The following IQSEC1 variants were observed in gnomAD, a reference collection of about 807,000 sequenced individuals.
IQSEC1 encodes the protein IQ motif and SEC7 domain-containing protein 1.
IQSEC1 carries 31 observed loss-of-function variants against 91.0 expected under a neutral mutation model. That is an observed-to-expected ratio of 0.34 (90% CI 0.26 to 0.46). IQSEC1 has a LOEUF of 0.46. IQSEC1 is among the 20% of genes least tolerant of loss of function. The probability of loss-of-function intolerance (pLI) is 1.00; values close to 1 mark genes in which losing one functional copy is unlikely to be tolerated. For synonymous variants in IQSEC1, 699 were observed against 662.6 expected, an observed-to-expected ratio of 1.05 and a Z score of -0.84; for missense variants, 1,388 against 1,575.6, an observed-to-expected ratio of 0.88 and a Z score of 2.02.
At chr3:13,143,655 G>C (rs1319299274) in intron 2 of IQSEC1, among the ~76,000 whole-genome samples, 2 of 152,238 alleles carry the variant, frequency 1.3e-5, no homozygotes, top group Non-Finnish European at 2.9e-5. Context: ...GTGAGGGTCA[G>C]GGCAAGGGCT....
intron 1 of IQSEC1, among the ~76,000 whole-genome samples, chr3:13,060,122 A>G (rs980313876): frequency 3.9e-5 from 6 of 152,166 alleles, no homozygotes; most frequent in African/African-American, 1.2e-4. Context: ...CCTTGGGGGC[A>G]GGGGTTGTTG....
intron 2 of IQSEC1, among the ~76,000 whole-genome samples, chr3:13,143,381 C>T (rs535790415): frequency 6.6e-6 from 1 of 152,326 alleles, no homozygotes; most frequent in Admixed American, 6.5e-5. Flanking sequence ...GGAAAAATGC[C>T]ACCATGGATT....
At chr3:13,251,823 A>G (rs1695198024) in intron 1 of IQSEC1, among the ~76,000 whole-genome samples, 1 of 152,226 alleles carries the variant, frequency 6.6e-6, no homozygotes, top group Admixed American at 6.5e-5. Flanking sequence ...AGTGACAAGC[A>G]CATACCCATG....
At chr3:13,055,315 C>T (rs1193416047) in intron 1 of IQSEC1, among the ~76,000 whole-genome samples, 1 of 152,168 alleles carries the variant, frequency 6.6e-6, no homozygotes, top group Non-Finnish European at 1.5e-5. Flanking sequence ...TTGTCTGGGC[C>T]TCAGTTTCCC....
At chr3:13,228,982 C>T (rs1009263435) in intron 1 of IQSEC1, among the ~76,000 whole-genome samples, 1 of 152,168 alleles carries the variant, frequency 6.6e-6, no homozygotes, top group Non-Finnish European at 1.5e-5. Flanking sequence ...TCCATCTGTC[C>T]GTCTCTCTTT....
chr3:13,052,929 G>A, intron 1 of IQSEC1: 1 of 916,932 alleles, frequency 1.1e-6, no homozygotes, highest in Non-Finnish European at 1.8e-6. Flanking sequence ...GTGACCTTGA[G>A]ACAGCATCAA....
At chr3:13,034,610 G>A (rs1028517002) in intron 1 of IQSEC1, among the ~76,000 whole-genome samples, 1 of 152,194 alleles carries the variant, frequency 6.6e-6, no homozygotes, top group Non-Finnish European at 1.5e-5. Context: ...AGGATCTGCT[G>A]ACTGAGGCCA....
At chr3:13,149,678 C>G (rs570521398) in intron 2 of IQSEC1, among the ~76,000 whole-genome samples, 2 of 152,172 alleles carry the variant, frequency 1.3e-5, no homozygotes, top group African/African-American at 2.4e-5. Context: ...CCAGACTCCC[C>G]CTCCTGCCTG....
At chr3:13,281,903 G>A (rs994715986) in intron 1 of IQSEC1, among the ~76,000 whole-genome samples, 2 of 152,144 alleles carry the variant, frequency 1.3e-5, no homozygotes, top group Non-Finnish European at 2.9e-5. Context: ...CAGAGACACC[G>A]AAGCCTCCCA....
intron 2 of IQSEC1, among the ~76,000 whole-genome samples, chr3:13,101,066 T>TGGGAAGAGGAGG: frequency 8.2e-6 from 1 of 122,422 alleles, no homozygotes. Context: ...GGGACTGAGC[T>TGGGAAGAGGAGG]GGGAAGAGGA....
At chr3:13,063,099 G>C (rs1246453009) in intron 1 of IQSEC1, among the ~76,000 whole-genome samples, 1 of 152,220 alleles carries the variant, frequency 6.6e-6, no homozygotes, top group African/African-American at 2.4e-5. Context: ...GGGAGGGAGA[G>C]CCGGGACTCC....
chr3:13,191,557 G>A (rs78786038), intron 1 of IQSEC1, among the ~76,000 whole-genome samples: 7,477 of 137,100 alleles, frequency 0.055, 224 homozygotes, highest in Middle Eastern at 0.091. Flanking sequence ...GGCTGGCCTC[G>A]AACTCCTGGC....
rs150875018 is a variant in IQSEC1, at chr3:12,909,017, C to T, written c.2578+256G>A. Among the ~76,000 whole-genome samples the T allele has an allele frequency of 2.0e-5, 3 of 152,194 alleles. No homozygotes were observed. Among genetic ancestry groups the T allele is most frequent in the African/African-American group, 4.8e-5 (2 of 41,500 alleles). ...TGGGAACTCTGCGGGCTCTTGCGCA[C>T]GGGATGACCAGAGAGCCAGGGTCTT... On this transcript the variant is annotated intron_variant, in intron 11 of 13. Coordinates refer to ENST00000613206, the MANE Select transcript of IQSEC1 (RefSeq NM_001134382.3). The surrounding 1 kb of genome is among the most constrained non-coding windows in gnomAD (Gnocchi z 4.9).
intron 1 of IQSEC1, among the ~76,000 whole-genome samples, chr3:13,071,003 G>A (rs1009680910): frequency 8.5e-5 from 13 of 152,160 alleles, no homozygotes; most frequent in South Asian, 4.1e-4. Flanking sequence ...CTTGGGCAAC[G>A]CAGCCACAGT....
intron 1 of IQSEC1, among the ~76,000 whole-genome samples, chr3:13,180,643 G>A (rs1048239197): frequency 1.3e-5 from 2 of 151,606 alleles, no homozygotes; most frequent in Non-Finnish European, 2.9e-5. Flanking sequence ...TCACTCTTTG[G>A]GTCCACACTG....
At chr3:12,921,354 G>A (rs139217942) in intron 5 of IQSEC1, among the ~76,000 whole-genome samples, 13 of 152,158 alleles carry the variant, frequency 8.5e-5, no homozygotes, top group African/African-American at 2.4e-4. Context: ...CTGTGTCCTC[G>A]ATCCTCCTGG....
At chr3:13,086,766 C>T (rs1389222275) in intron 2 of IQSEC1, among the ~76,000 whole-genome samples, 1 of 152,204 alleles carries the variant, frequency 6.6e-6, no homozygotes, top group African/African-American at 2.4e-5. Context: ...CAAGGGAGGC[C>T]TTCCTGAGCA....
chr3:12,927,273 A>G (rs1215738695), intron 3 of IQSEC1, among the ~76,000 whole-genome samples: 1 of 152,120 alleles, frequency 6.6e-6, no homozygotes, highest in East Asian at 1.9e-4. Context: ...AAAAATCTGG[A>G]TTTCTGGCTT....
At chr3:12,961,461 T>C (rs950706951) in intron 1 of IQSEC1, among the ~76,000 whole-genome samples, 3 of 152,236 alleles carry the variant, frequency 2.0e-5, no homozygotes, top group South Asian at 2.1e-4. Flanking sequence ...TGTGGGCTGT[T>C]TGGACAGCAC....
Sources: gnomAD v4.1 joint callset for allele counts (sites outside exome capture counted in the v4.1 genomes callset) on GRCh38, gnomAD v4.1.1 for gene constraint, Gnocchi (gnomAD v3.1) non-coding constraint, MANE v1.5 for transcripts, NCBI Gene and HGNC (gene_info 2026-07-23, HGNC 2026-07-21) for gene names.